COA3: variants seen among roughly 807,000 people sequenced by gnomAD.
The protein encoded by COA3 is cytochrome c oxidase assembly factor 3 homolog, mitochondrial.
In COA3, 10 loss-of-function variants were observed where a neutral mutation model predicts 10.1. That is an observed-to-expected ratio of 0.99 (90% CI 0.61 to 1.67). The LOEUF (loss-of-function observed/expected upper bound fraction) is 1.67, where lower values mean the gene tolerates loss of function less well. COA3 is among the 40% of genes most tolerant of loss of function. The probability of loss-of-function intolerance (pLI) is 0.00; values close to 1 mark genes in which losing one functional copy is unlikely to be tolerated. For missense variants in COA3, 142 were observed against 140.7 expected, an observed-to-expected ratio of 1.01 and a Z score of -0.05; for synonymous variants, 57 against 63.1, an observed-to-expected ratio of 0.90 and a Z score of 0.46.
At position 42,798,599 on chromosome 17, in the gene COA3, TC is replaced by T; in HGVS notation, c.82del (p.Glu28ArgfsTer3). 2.5e-6 allele frequency: 4 copies of T among 1,614,146 alleles called. No individual in the cohort carries two copies. Among genetic ancestry groups the T allele is most frequent in the Non-Finnish European group, 3.4e-6 (4 of 1,180,036 alleles). On this transcript the variant is annotated frameshift_variant, in exon 1 of 2. Transcript: ENST00000328434. LOFTEE classifies it high-confidence loss of function. Reference protein sequence around the residue: ...PFAQRIDPTREKLTPEQLHSM... With the variant: ...PFAQRIDPTRXKLTPEQLHSM... Reference sequence around the variant, plus strand: ...ATGCAGTTGCTCGGGTGTCAGCTTCTCCCGAGTCGGGTCGATACGCTGAGCG... The same window carrying T: ...ATGCAGTTGCTCGGGTGTCAGCTTCTCCGAGTCGGGTCGATACGCTGAGCG...
Sources: allele counts gnomAD v4.1 joint callset, GRCh38; gene constraint gnomAD v4.1.1; transcripts MANE v1.5; gene names NCBI Gene and HGNC (gene_info 2026-07-23, HGNC 2026-07-21).